GRID1: variants seen among roughly 807,000 people sequenced by gnomAD.
GRID1 encodes the protein glutamate ionotropic receptor delta type subunit 1, also known as glutamate receptor ionotropic, delta-1.
Under a neutral mutation model 98.0 loss-of-function variants are expected in GRID1, and 28 were observed. That is an observed-to-expected ratio of 0.29 (90% confidence interval 0.21 to 0.39). GRID1 has a LOEUF of 0.39. Among genes scored for constraint, GRID1 ranks in the 10% least tolerant of loss-of-function variants. GRID1 has a pLI of 1.00. For missense variants in GRID1, 1,111 were observed against 1,340.5 expected, an observed-to-expected ratio of 0.83 and a Z score of 2.67; for synonymous variants, 553 against 538.5, an observed-to-expected ratio of 1.03 and a Z score of -0.37.
intron 3 of GRID1, among the ~76,000 whole-genome samples, chr10:86,186,421 C>G (rs1845726179): frequency 6.6e-6 from 1 of 152,138 alleles, no homozygotes; most frequent in Admixed American, 6.5e-5. Context: ...TCATTTTCCA[C>G]TCTAATCTTC....
chr10:86,161,978 C>T (rs773996005), intron 3 of GRID1, among the ~76,000 whole-genome samples: 11 of 152,180 alleles, frequency 7.2e-5, no homozygotes, highest in East Asian at 1.9e-4. Context: ...GTCTGTTTAC[C>T]GAAGGAAAAT....
intron 4 of GRID1, among the ~76,000 whole-genome samples, chr10:85,947,073 C>T (rs1039446150): frequency 3.9e-5 from 6 of 152,220 alleles, no homozygotes; most frequent in Non-Finnish European, 8.8e-5. Context: ...CACCATTATT[C>T]TCACTGCCAA....
intron 12 of GRID1, among the ~76,000 whole-genome samples, chr10:85,717,500 A>G (rs755764998): frequency 1.7e-4 from 26 of 152,150 alleles, no homozygotes; most frequent in Non-Finnish European, 7.4e-5. Flanking sequence ...TATCACAAGA[A>G]TAGCATGGGA....
rs1276057226 is a variant in GRID1, at chr10:85,706,323, C to G, written c.1997+16680G>C. Among the ~76,000 whole-genome samples, 9 of 152,226 alleles carry G rather than the reference C, an allele frequency of 5.9e-5. 1 individual carries two copies. The highest frequency in any genetic ancestry group is 3.9e-4 in the East Asian group (2 of 5,170). On this transcript the variant is annotated intron_variant, in intron 12 of 15. Transcript: ENST00000327946. The stretch of plus-strand genomic sequence containing the variant: ...AGCATTCTTACACACCAATAACAGA[C>G]AAACAGAGAGCCAAATCATGAGTGA...
intron 4 of GRID1, among the ~76,000 whole-genome samples, chr10:86,134,061 T>C (rs1844878819): frequency 6.6e-6 from 1 of 152,054 alleles, no homozygotes; most frequent in Admixed American, 6.5e-5. Context: ...AACCAATAAA[T>C]AAGAGGTGAA....
At chr10:85,618,979 C>T (rs996340572) in intron 14 of GRID1, among the ~76,000 whole-genome samples, 1 of 152,192 alleles carries the variant, frequency 6.6e-6, no homozygotes, top group Admixed American at 6.5e-5. Context: ...GAGTGTTGCC[C>T]CTGAGCCTGG....
intron 4 of GRID1, among the ~76,000 whole-genome samples, chr10:86,018,978 T>G (rs1434933583): frequency 6.6e-6 from 1 of 152,218 alleles, no homozygotes; most frequent in East Asian, 1.9e-4. Context: ...CTGAGGAGTT[T>G]GCAGCTCCAA....
At chr10:85,806,363 A>G (rs1234163903) in intron 8 of GRID1, among the ~76,000 whole-genome samples, 1 of 152,174 alleles carries the variant, frequency 6.6e-6, no homozygotes, top group Admixed American at 6.5e-5. Context: ...TGGTGAGAAT[A>G]CAAAAGGATA....
chr10:86,035,611 A>G (rs1192586363), intron 4 of GRID1, among the ~76,000 whole-genome samples: 1 of 152,172 alleles, frequency 6.6e-6, no homozygotes, highest in Non-Finnish European at 1.5e-5. Context: ...TCCCCTCTCA[A>G]TGCAGGACTT....
At chr10:85,982,492 C>A (rs1433950073) in intron 4 of GRID1, among the ~76,000 whole-genome samples, 8 of 152,092 alleles carry the variant, frequency 5.3e-5, no homozygotes, top group Non-Finnish European at 1.2e-4. Flanking sequence ...CGCCTGTGGC[C>A]ATTGTCCATC....
intron 12 of GRID1, among the ~76,000 whole-genome samples, chr10:85,654,081 G>A (rs534945597): frequency 2.0e-5 from 3 of 152,258 alleles, no homozygotes. Flanking sequence ...TGACCCACAG[G>A]GTGAGGGTTG....
chr10:85,899,422 G>A (rs12783694), intron 5 of GRID1, among the ~76,000 whole-genome samples: 14,293 of 152,144 alleles, frequency 0.094, 885 homozygotes, highest in Middle Eastern at 0.2. Context: ...TCCATTGGAT[G>A]TATACCCAGT....
At chr10:86,282,154 G>T (rs1356385473) in intron 2 of GRID1, among the ~76,000 whole-genome samples, 1 of 152,190 alleles carries the variant, frequency 6.6e-6, no homozygotes, top group Admixed American at 6.5e-5. Flanking sequence ...CTGGAAGAAT[G>T]AAATGGGAAA....
chr10:86,124,219 C>T (rs2131961636), intron 4 of GRID1, among the ~76,000 whole-genome samples: 1 of 152,316 alleles, frequency 6.6e-6, no homozygotes, highest in African/African-American at 2.4e-5. Context: ...GCTCACAAAC[C>T]TCCAGTGACT....
chr10:85,739,478 A>C (rs1841919532), intron 8 of GRID1, among the ~76,000 whole-genome samples: 1 of 152,050 alleles, frequency 6.6e-6, no homozygotes, highest in Non-Finnish European at 1.5e-5. Flanking sequence ...CCAGATACTC[A>C]GGAAGTTGAG....
chr10:86,055,301 A>G (rs1843557549), intron 4 of GRID1, among the ~76,000 whole-genome samples: 1 of 152,248 alleles, frequency 6.6e-6, no homozygotes, highest in African/African-American at 2.4e-5. Flanking sequence ...AAGTTGAGAA[A>G]GAAACTTTTC....
At chr10:85,979,653 T>C (rs1248700081) in intron 4 of GRID1, among the ~76,000 whole-genome samples, 1 of 152,260 alleles carries the variant, frequency 6.6e-6, no homozygotes, top group Non-Finnish European at 1.5e-5. Context: ...AATTTGATCA[T>C]CTGCAAAGAC....
At chr10:85,662,543 T>C (rs983067675) in intron 12 of GRID1, among the ~76,000 whole-genome samples, 2 of 152,126 alleles carry the variant, frequency 1.3e-5, no homozygotes, top group African/African-American at 4.8e-5. Flanking sequence ...CCCTCCGTAA[T>C]ACTCCTCCCC....
chr10:85,602,159 C>T lies in GRID1; in HGVS notation c.*114G>A. ...ATATGTACAAGAAAAATGAAAGAGT[C>T]TCTGTGTATGTGTGTGTGTGCGAGT... is the stretch of plus-strand genomic sequence containing the variant. On this transcript the variant is annotated 3_prime_UTR_variant, in exon 16 of 16. Transcript: ENST00000327946. 5.2e-6 allele frequency: 3 copies of T among 581,540 alleles called. No individual in the cohort carries two copies. Among genetic ancestry groups the T allele is most frequent in the Non-Finnish European group, 8.8e-6 (3 of 342,246 alleles). The allele number at this position is 581,540 out of a possible 1,614,324, so 36.0% of individuals were successfully genotyped here.
Sources: allele counts gnomAD v4.1 joint callset (sites outside exome capture counted in the v4.1 genomes callset), GRCh38; gene constraint gnomAD v4.1.1; transcripts MANE v1.5; gene names NCBI Gene and HGNC (gene_info 2026-07-23, HGNC 2026-07-21).